Variants in KCNN2 observed in about 807,000 individuals in gnomAD.
The protein encoded by KCNN2 is potassium calcium-activated channel subfamily N member 2, also known as small conductance calcium-activated potassium channel protein 2.
KCNN2 carries 24 observed loss-of-function variants against 55.5 expected under a neutral mutation model. That is an observed-to-expected ratio of 0.43 (90% confidence interval 0.31 to 0.61). The LOEUF (loss-of-function observed/expected upper bound fraction) is 0.61. Among genes scored for constraint, KCNN2 ranks in the 20% least tolerant of loss-of-function variants. The pLI is 0.08. For missense variants in KCNN2, 754 were observed against 853.6 expected (o/e 0.88, Z 1.45); for synonymous variants, 431 against 336.1 (o/e 1.28, Z -3.09).
chr5:114,178,785 G>A (rs990355497), intron 1 of KCNN2, among the ~76,000 whole-genome samples: 9 of 152,132 alleles, frequency 5.9e-5, no homozygotes, highest in Non-Finnish European at 1.2e-4. Flanking sequence ...TTGTCATTTT[G>A]CTAAGGAGGC....
intron 2 of KCNN2, among the ~76,000 whole-genome samples, chr5:114,388,700 A>T (rs114392844): frequency 0.011 from 1,687 of 152,234 alleles, 17 homozygotes; most frequent in Non-Finnish European, 0.014. Context: ...GTATGTCTCA[A>T]AATGTCTTTC....
At chr5:114,405,337 A>G (rs775158106) in intron 3 of KCNN2, among the ~76,000 whole-genome samples, 7 of 152,186 alleles carry the variant, frequency 4.6e-5, no homozygotes, top group Non-Finnish European at 8.8e-5. Context: ...ATTACTTGAT[A>G]AGGAGGTTAT....
At chr5:114,475,563 A>G (rs369475317) in intron 5 of KCNN2, among the ~76,000 whole-genome samples, 9 of 152,328 alleles carry the variant, frequency 5.9e-5, no homozygotes, top group Admixed American at 4.6e-4. Context: ...TATACTAAAT[A>G]TGGTTGTCAT....
chr5:114,484,417 A>G (rs1307859393), intron 5 of KCNN2, among the ~76,000 whole-genome samples: 2 of 152,210 alleles, frequency 1.3e-5, no homozygotes, highest in African/African-American at 4.8e-5. Flanking sequence ...CTTCATTACT[A>G]CACAATGTAT....
chr5:114,358,281 C>G (rs1757335517), upstream of KCNN2, among the ~76,000 whole-genome samples: 1 of 151,910 alleles, frequency 6.6e-6, no homozygotes, highest in South Asian at 2.1e-4. Context: ...ACAAACAACC[C>G]CATCAAAAAG....
chr5:114,364,138 T>G, intron 2 of KCNN2, 137 bp downstream of exon 2: 1 of 651,252 alleles, frequency 1.5e-6, no homozygotes, highest in Middle Eastern at 2.9e-4. Context: ...ATTGTTACCG[T>G]TAGCACCTGA....
chr5:114,191,408 G>A (rs1753445729), intron 1 of KCNN2, among the ~76,000 whole-genome samples: 1 of 152,122 alleles, frequency 6.6e-6, no homozygotes, highest in Non-Finnish European at 1.5e-5. Context: ...CTTCTCTGAT[G>A]CCCTCCTGTT....
At chr5:114,189,194 G>C (rs959236617) in intron 1 of KCNN2, among the ~76,000 whole-genome samples, 42 of 151,252 alleles carry the variant, frequency 2.8e-4, no homozygotes, top group African/African-American at 9.7e-4. Flanking sequence ...TAAGAAATTA[G>C]CTTACATGAT....
upstream of KCNN2, among the ~76,000 whole-genome samples, chr5:114,357,981 T>A (rs999970581): frequency 1.3e-5 from 2 of 150,900 alleles, no homozygotes; most frequent in African/African-American, 4.9e-5. Context: ...GACTTTTTAA[T>A]GATCACCATT....
intron 4 of KCNN2, among the ~76,000 whole-genome samples, chr5:114,468,378 A>C (rs1020087908): frequency 6.6e-6 from 1 of 152,200 alleles, no homozygotes; most frequent in African/African-American, 2.4e-5. Flanking sequence ...TGAGTCAGTC[A>C]GCCCCAGGGA....
At chr5:114,165,386 G>A (rs1173016380) in intron 1 of KCNN2, among the ~76,000 whole-genome samples, 2 of 152,120 alleles carry the variant, frequency 1.3e-5, no homozygotes, top group Non-Finnish European at 1.5e-5. Flanking sequence ...TCTTCCTTAT[G>A]ATTTTCGTTT....
At chr5:114,442,611 T>C (rs1041737308) in intron 3 of KCNN2, among the ~76,000 whole-genome samples, 7 of 152,134 alleles carry the variant, frequency 4.6e-5, no homozygotes. Flanking sequence ...CTTTTTGAAG[T>C]ATGCCTCGCC....
Position 114,345,249 on chromosome 5 carries a change from A to T in KCNN2, c.-184-15696A>T, listed in dbSNP as rs544239714. Among the ~76,000 whole-genome samples the T allele has an allele frequency of 9.9e-5, 15 of 152,234 alleles. No homozygotes were observed. In the East Asian group the frequency reaches 1.7e-3, roughly 18 times the overall value. On this transcript the variant is annotated intron_variant, in intron 2 of 10. Transcript: ENST00000512097. ...ATACACTACTCTTTGTGGAAAAAAA[A>T]ATATACATGTGTCAACTTCCTGGTA... is the stretch of plus-strand genomic sequence containing the variant.
rs73782240 is a variant in KCNN2, at chr5:114,439,015, T to C, written c.1638-24034T>C. On this transcript the variant is annotated intron_variant, in intron 3 of 7. Coordinates refer to ENST00000673685, the MANE Select transcript of KCNN2 (RefSeq NM_021614.4). Reference sequence around the variant, plus strand: ...AATTTAACTTAGACATTATAGTGCATGCATTCAAATAAAATTCAAAGGAAA... The same window carrying C: ...AATTTAACTTAGACATTATAGTGCACGCATTCAAATAAAATTCAAAGGAAA... Among the ~76,000 whole-genome samples the C allele has an allele frequency of 7.8e-3, 1,181 of 152,286 alleles. 18 individuals are homozygous for C. Among genetic ancestry groups the C allele is most frequent in the African/African-American group, 0.027 (1,130 of 41,564 alleles).
At chr5:114,477,242 G>A (rs980597954) in intron 5 of KCNN2, among the ~76,000 whole-genome samples, 2 of 152,120 alleles carry the variant, frequency 1.3e-5, no homozygotes, top group Non-Finnish European at 2.9e-5. Flanking sequence ...AATGTTAAAA[G>A]ATAGTCTGTT....
chr5:114,194,705 G>A (rs1200003633), intron 1 of KCNN2, among the ~76,000 whole-genome samples: 1 of 151,752 alleles, frequency 6.6e-6, no homozygotes, highest in Non-Finnish European at 1.5e-5. Flanking sequence ...TAATTTTGAT[G>A]TTTTTTTCTT....
chr5:114,218,297 A>C (rs1279813023), intron 1 of KCNN2, among the ~76,000 whole-genome samples: 1 of 152,226 alleles, frequency 6.6e-6, no homozygotes, highest in East Asian at 1.9e-4. Context: ...TGTTTATAGC[A>C]GCTTTATTCG....
intron 2 of KCNN2, among the ~76,000 whole-genome samples, chr5:114,316,020 T>A (rs542857106): frequency 6.6e-6 from 1 of 152,222 alleles, no homozygotes; most frequent in South Asian, 2.1e-4. Flanking sequence ...AACCTCAAAT[T>A]GAGAGACTAT....
intron 2 of KCNN2, among the ~76,000 whole-genome samples, chr5:114,273,264 T>G (rs1400528675): frequency 6.6e-6 from 1 of 152,228 alleles, no homozygotes; most frequent in East Asian, 1.9e-4. Context: ...ATTTCCTTAA[T>G]CCAGTCTATC....
Sources: allele counts gnomAD v4.1 joint callset (sites outside exome capture counted in the v4.1 genomes callset), GRCh38; gene constraint gnomAD v4.1.1; transcripts MANE v1.5; gene names NCBI Gene and HGNC (gene_info 2026-07-23, HGNC 2026-07-21).